The following RNF115 variants were observed in gnomAD, a reference collection of about 807,000 sequenced individuals.
RNF115 encodes the protein ring finger protein 115.
RNF115 carries 31 observed loss-of-function variants against 39.2 expected under a neutral mutation model. The ratio of observed to expected loss-of-function variants is 0.79; its 90% CI spans 0.59 to 1.07. RNF115 has a LOEUF of 1.07. Among genes scored for constraint, RNF115 ranks in the 50% least tolerant of loss-of-function variants. RNF115 has a pLI of 0.00. For missense variants in RNF115, 384 were observed against 381.7 expected, an observed-to-expected ratio of 1.01 and a Z score of -0.05; for synonymous variants, 124 against 131.0, an observed-to-expected ratio of 0.95 and a Z score of 0.37.
At chr1:145,758,079 AG>A (rs1658366950) in intron 4 of RNF115, among the ~76,000 whole-genome samples, 1 of 152,226 alleles carries the variant, frequency 6.6e-6, no homozygotes, top group Non-Finnish European at 1.5e-5. Flanking sequence ...AATTCTCTAG[AG>A]GTGGAGCTAA....
At position 145,746,694 on chromosome 1, in the gene RNF115, C is replaced by A; in HGVS notation, c.*172G>T. On this transcript the variant is annotated 3_prime_UTR_variant, in exon 9 of 9. Coordinates refer to ENST00000582693, the MANE Select transcript of RNF115 (RefSeq NM_014455.4). ...AGGCATTTGGTTGTAGATACAATTCCATCTGTAGATACTAACTTTAAATTT... is the reference window on the plus strand; with the variant it reads ...AGGCATTTGGTTGTAGATACAATTCAATCTGTAGATACTAACTTTAAATTT... The A allele has an allele frequency of 1.6e-6, 1 of 632,382 alleles. No individual in the cohort carries two copies. The highest frequency in any genetic ancestry group is 2.6e-6 in the Non-Finnish European group (1 of 378,544). 39.2% of individuals were successfully genotyped at this position (632,382 alleles called of 1,614,324 possible).
At chr1:145,794,527 T>G (rs12753317) in intron 1 of RNF115, among the ~76,000 whole-genome samples, 1 of 146,168 alleles carries the variant, frequency 6.8e-6, no homozygotes, top group East Asian at 2.0e-4. Context: ...TTTTTTTTTT[T>G]GAGACAGAGT....
chr1:145,749,970 A>T (rs998538202), intron 7 of RNF115, among the ~76,000 whole-genome samples: 1 of 152,202 alleles, frequency 6.6e-6, no homozygotes, highest in Non-Finnish European at 1.5e-5. Flanking sequence ...ACCTAACTGT[A>T]CCTGACACAA....
chr1:145,787,978 C>T (rs782496701), intron 2 of RNF115, among the ~76,000 whole-genome samples: 1 of 152,130 alleles, frequency 6.6e-6, no homozygotes, highest in South Asian at 2.1e-4. Flanking sequence ...AAATATTTCC[C>T]CTTTTTATCA....
chr1:145,743,269 A>C lies in RNF115; in HGVS notation c.*3597T>G, dbSNP rs1657739936. 1 of 152,198 alleles carries C rather than the reference A, an allele frequency of 6.6e-6. No homozygotes were observed. The highest frequency in any genetic ancestry group is 2.4e-5 in the African/African-American group (1 of 41,420). 9.4% of individuals were successfully genotyped at this position (152,198 alleles called of 1,614,324 possible). A position where few individuals can be genotyped will look rare whatever the true frequency, so the allele number is the denominator to read the frequency against. ...CTCATCCAATCAGTTGAAGGTCTGAATAGAACAAGTAAGGGAGAAGTCCTC... is the reference window on the plus strand; with the variant it reads ...CTCATCCAATCAGTTGAAGGTCTGACTAGAACAAGTAAGGGAGAAGTCCTC... On this transcript the variant is annotated 3_prime_UTR_variant, in exon 9 of 9. Coordinates refer to ENST00000582693, the MANE Select transcript of RNF115 (RefSeq NM_014455.4).
intron 1 of RNF115, among the ~76,000 whole-genome samples, chr1:145,812,518 G>C (rs1649775754): frequency 6.6e-6 from 1 of 151,486 alleles, no homozygotes; most frequent in African/African-American, 2.4e-5. Context: ...AAATTAGCCA[G>C]GTGTGGTGGC....
intron 4 of RNF115, among the ~76,000 whole-genome samples, chr1:145,761,490 T>C (rs1658502727): frequency 6.6e-6 from 1 of 152,162 alleles, no homozygotes; most frequent in Non-Finnish European, 1.5e-5. Flanking sequence ...AGAGCTTGGG[T>C]TGTGGCTTCA....
intron 1 of RNF115, among the ~76,000 whole-genome samples, chr1:145,823,569 T>G (rs1366657047): frequency 6.7e-6 from 1 of 150,202 alleles, no homozygotes; most frequent in Non-Finnish European, 1.5e-5. Flanking sequence ...CAGCCCAGGA[T>G]GAATTAAGAG....
At chr1:145,778,054 A>G (rs1047063127) in intron 3 of RNF115, among the ~76,000 whole-genome samples, 8 of 152,224 alleles carry the variant, frequency 5.3e-5, no homozygotes, top group African/African-American at 1.9e-4. Context: ...CAGCATTATT[A>G]TCCATAACAG....
chr1:145,754,156 T>C (rs1223826018), intron 4 of RNF115, among the ~76,000 whole-genome samples: 1 of 152,218 alleles, frequency 6.6e-6, no homozygotes, highest in Non-Finnish European at 1.5e-5. Context: ...TGCTTTTTTG[T>C]ATTATTTTTC....
chr1:145,797,040 T>C (rs1445246899), intron 1 of RNF115, among the ~76,000 whole-genome samples: 2 of 152,194 alleles, frequency 1.3e-5, no homozygotes, highest in East Asian at 3.8e-4. Flanking sequence ...CCAGATGATA[T>C]CAAGGAACTG....
intron 7 of RNF115, among the ~76,000 whole-genome samples, chr1:145,749,826 T>G (rs1553712206): frequency 6.6e-6 from 1 of 152,192 alleles, no homozygotes; most frequent in Non-Finnish European, 1.5e-5. Context: ...TGACCTAAGA[T>G]AGCCCACCTT....
At chr1:145,762,361 C>A (rs1011981862) in intron 4 of RNF115, among the ~76,000 whole-genome samples, 7 of 152,140 alleles carry the variant, frequency 4.6e-5, no homozygotes, top group African/African-American at 1.4e-4. Context: ...GATTCTGAGG[C>A]CTTCTCAGCC....
chr1:145,788,782 T>G (rs782486822), intron 2 of RNF115, 126 bp downstream of exon 2: 1 of 759,184 alleles, frequency 1.3e-6, no homozygotes, highest in Non-Finnish European at 2.3e-6. Flanking sequence ...ACTCACTCTC[T>G]CTCTCTCACT....
Position 145,766,272 on chromosome 1 carries a change from G to C in RNF115, c.428+5439C>G, listed in dbSNP as rs1197054863. Among the ~76,000 whole-genome samples, 26 of 152,290 alleles carry C rather than the reference G, an allele frequency of 1.7e-4. 1 individual carries two copies. In the East Asian group the frequency reaches 5.0e-3, roughly 29 times the overall value. On this transcript the variant is annotated intron_variant, in intron 4 of 8. Transcript: ENST00000582693. ...CCGCCCTTAATCCATTTAACCCTGA[G>C]TGGACACAGCACATGTTTCAGAGAG...
At chr1:145,784,518 T>C in intron 3 of RNF115, 21 bp downstream of exon 3, 1 of 1,609,732 alleles carries the variant, frequency 6.2e-7, no homozygotes, top group Non-Finnish European at 8.5e-7. Flanking sequence ...AAAGAATTCC[T>C]ACAGCTAAAG....
intron 4 of RNF115, among the ~76,000 whole-genome samples, chr1:145,764,670 G>A (rs1553714444): frequency 6.6e-6 from 1 of 152,002 alleles, no homozygotes; most frequent in African/African-American, 2.4e-5. Flanking sequence ...GAAGTGAGGA[G>A]CGTCTCTGCC....
chr1:145,753,602 C>T (rs1658178978), intron 4 of RNF115, among the ~76,000 whole-genome samples: 2 of 152,218 alleles, frequency 1.3e-5, no homozygotes, highest in South Asian at 4.1e-4. Flanking sequence ...CACAGGTACA[C>T]AGTTCTTTAC....
chr1:145,755,470 G>A (rs1553713058), intron 4 of RNF115, among the ~76,000 whole-genome samples: 3 of 152,162 alleles, frequency 2.0e-5, no homozygotes, highest in East Asian at 3.9e-4. Context: ...GAAATCCTGG[G>A]CCAGAACCAC....
Sources: gnomAD v4.1 joint callset for allele counts (sites outside exome capture counted in the v4.1 genomes callset) on GRCh38, gnomAD v4.1.1 for gene constraint, MANE v1.5 for transcripts, NCBI Gene and HGNC (gene_info 2026-07-23, HGNC 2026-07-21) for gene names.